CHORDC1: variants seen among roughly 807,000 people sequenced by gnomAD.
The protein encoded by CHORDC1 is cysteine and histidine rich domain containing 1, also known as cysteine and histidine-rich domain-containing protein 1.
A neutral mutation model predicts 48.3 loss-of-function variants in CHORDC1; 25 were observed. That is an observed-to-expected ratio of 0.52 (90% CI 0.38 to 0.72). The LOEUF is 0.72. Among genes scored for constraint, CHORDC1 ranks in the 30% least tolerant of loss-of-function variants. The probability of loss-of-function intolerance (pLI) is 0.00; values close to 1 mark genes in which losing one functional copy is unlikely to be tolerated. For missense variants in CHORDC1, 317 were observed against 388.7 expected (o/e 0.82, Z 1.55); for synonymous variants, 128 against 126.4 (o/e 1.01, Z -0.09).
chr11:90,222,860 G>T, intron 1 of CHORDC1, 31 bp downstream of exon 1: 2 of 1,599,894 alleles, frequency 1.3e-6, no homozygotes, highest in Non-Finnish European at 1.7e-6. Context: ...GAGGTGGAGG[G>T]GAGGGAGGGC....
chr11:90,207,094 A>G (rs1400334404), intron 6 of CHORDC1: 6 of 210,916 alleles, frequency 2.8e-5, no homozygotes, highest in Admixed American at 1.1e-4. Flanking sequence ...CAGTTTCTCA[A>G]AGCAAAATCC....
intron 7 of CHORDC1, 79 bp from the exon 8 acceptor site, chr11:90,205,644 G>A (rs376395624): frequency 7.9e-6 from 7 of 881,990 alleles, no homozygotes; most frequent in East Asian, 7.4e-5. Context: ...GGATAAATCT[G>A]ATTTTTAATA....
At chr11:90,220,541 G>A (rs1858140631) in intron 1 of CHORDC1, among the ~76,000 whole-genome samples, 1 of 152,152 alleles carries the variant, frequency 6.6e-6, no homozygotes, top group Non-Finnish European at 1.5e-5. Context: ...AACAGAGTCA[G>A]AGGCATAAAA....
chr11:90,213,819 GTAGT>G (rs766586381), intron 4 of CHORDC1, 195 bp downstream of exon 4: 2 of 512,912 alleles, frequency 3.9e-6, no homozygotes, highest in Non-Finnish European at 6.8e-6. Flanking sequence ...AATCTGTTAT[GTAGT>G]TATATTGTGT....
At chr11:90,215,134 T>A in intron 3 of CHORDC1, 40 bp downstream of exon 3, 1 of 1,179,690 alleles carries the variant, frequency 8.5e-7, no homozygotes. Context: ...ATAACATGTA[T>A]TTTTAGGAAG....
At chr11:90,204,592 G>C (rs187111617) in intron 8 of CHORDC1, among the ~76,000 whole-genome samples, 1 of 152,034 alleles carries the variant, frequency 6.6e-6, no homozygotes, top group African/African-American at 2.4e-5. Flanking sequence ...GTGGTGGTAC[G>C]CACCTGTAGT....
chr11:90,208,598 G>A (rs1261151337), intron 6 of CHORDC1: 1 of 152,044 alleles, frequency 6.6e-6, no homozygotes, highest in Non-Finnish European at 1.5e-5. Context: ...GCATTATTAT[G>A]CAGAAGACGA....
chr11:90,213,695 T>G, intron 4 of CHORDC1: 1 of 458,106 alleles, frequency 2.2e-6, no homozygotes, highest in Non-Finnish European at 3.8e-6. Context: ...GGAAAACTGC[T>G]TCAAAGAATT....
At chr11:90,221,483 TG>T in intron 1 of CHORDC1, among the ~76,000 whole-genome samples, 1 of 151,938 alleles carries the variant, frequency 6.6e-6, no homozygotes, top group South Asian at 2.1e-4. Flanking sequence ...AATTCACACA[TG>T]GATACAGACT....
At chr11:90,210,644 C>T (rs189660954) in intron 5 of CHORDC1, 50 bp from the exon 6 acceptor site, 3 of 1,182,638 alleles carry the variant, frequency 2.5e-6, no homozygotes, top group East Asian at 4.8e-5. Context: ...TAGAACTTCG[C>T]TGTGGCATCA....
chr11:90,222,725 G>T, intron 1 of CHORDC1, 166 bp downstream of exon 1: 1 of 727,160 alleles, frequency 1.4e-6, no homozygotes, highest in Non-Finnish European at 2.5e-6. Context: ...CGCAACAGAG[G>T]GGCGGCCGGC....
chr11:90,203,028 A>G (rs1343539500), intron 9 of CHORDC1, among the ~76,000 whole-genome samples, 153 bp from the exon 10 acceptor site: 3 of 152,166 alleles, frequency 2.0e-5, no homozygotes, highest in African/African-American at 7.2e-5. Context: ...AGCCACTGAC[A>G]AAAAAGAATA....
intron 3 of CHORDC1, among the ~76,000 whole-genome samples, chr11:90,214,509 G>A (rs1012584453): frequency 6.6e-6 from 1 of 150,870 alleles, no homozygotes; most frequent in Non-Finnish European, 1.5e-5. Flanking sequence ...TTACTCGAAA[G>A]GCCTCAATTT....
chr11:90,216,499 A>G (rs766454142), intron 2 of CHORDC1: 23 of 413,888 alleles, frequency 5.6e-5, no homozygotes, highest in South Asian at 3.3e-4. Flanking sequence ...ATGTATACGC[A>G]TTTTGTCTGA....
chr11:90,202,379 G>GT lies in CHORDC1; in HGVS notation c.*25dup, dbSNP rs1165009874. 14 of 1,606,784 alleles carry GT rather than the reference G, an allele frequency of 8.7e-6. No individual in the cohort carries two copies. The highest frequency in any genetic ancestry group is 1.2e-5 in the Non-Finnish European group (14 of 1,175,920). Reference sequence around the variant, plus strand: ...ACAGTATTAAAAATTCGGAAATAATGTAATAGCCTTCCTTCCATCTCCCAC... The same window carrying GT: ...ACAGTATTAAAAATTCGGAAATAATGTTAATAGCCTTCCTTCCATCTCCCAC... On this transcript the variant is annotated 3_prime_UTR_variant, in exon 11 of 11. Coordinates refer to ENST00000320585, the MANE Select transcript of CHORDC1 (RefSeq NM_012124.3).
At chr11:90,215,361 T>C in intron 2 of CHORDC1, 131 bp from the exon 3 acceptor site, 1 of 480,872 alleles carries the variant, frequency 2.1e-6, no homozygotes, top group Non-Finnish European at 3.7e-6. Context: ...ATTTCAGTGT[T>C]GCATATAATT....
At chr11:90,218,015 C>T (rs1488754246) in intron 2 of CHORDC1, 120 bp downstream of exon 2, 19 of 652,514 alleles carry the variant, frequency 2.9e-5, no homozygotes, top group South Asian at 1.7e-4. Flanking sequence ...GCACCTCCCC[C>T]GCAAAGGTCA....
chr11:90,206,363 T>C (rs1445083313), intron 6 of CHORDC1, 91 bp from the exon 7 acceptor site: 2 of 725,606 alleles, frequency 2.8e-6, no homozygotes, highest in East Asian at 2.6e-5. Flanking sequence ...TCTACGAACT[T>C]TGCAAAATAC....
rs1311457167 is a variant in CHORDC1 at position 90,214,169 on chromosome 11, T to C, written c.178A>G (p.Thr60Ala). The change falls in exon 4 of 11, where the codon ACA (threonine) becomes GCA (alanine). Residue 60 changes from threonine to alanine, a missense_variant. By Grantham distance (58) the Thr-to-Ala change is moderately conservative. Transcript: ENST00000320585. ...FSDFLSIVGC[T>A]KGRHNSEKPP... ...TTCTCACTATTATGTCTACCTTTTG[T>C]ACAGCCCTGTTAGTGAAAGATAATT... 21 of 1,607,214 alleles carry C rather than the reference T, an allele frequency of 1.3e-5. No individual in the cohort carries two copies. Among genetic ancestry groups the C allele is most frequent in the Non-Finnish European group, 1.8e-5 (21 of 1,176,996 alleles).
Sources: gnomAD v4.1 joint callset for allele counts (sites outside exome capture counted in the v4.1 genomes callset) on GRCh38, gnomAD v4.1.1 for gene constraint, MANE v1.5 for transcripts, NCBI Gene and HGNC (gene_info 2026-07-23, HGNC 2026-07-21) for gene names.